The following CDK5 variants were observed in gnomAD, a reference collection of about 807,000 sequenced individuals.
The protein encoded by CDK5 is cyclin dependent kinase 5, also known as cyclin-dependent kinase 5.
Under a neutral mutation model 44.6 loss-of-function variants are expected in CDK5, and 18 were observed. The ratio of observed to expected loss-of-function variants is 0.40; its 90% confidence interval spans 0.28 to 0.60. The LOEUF (loss-of-function observed/expected upper bound fraction) is 0.60, where lower values mean the gene tolerates loss of function less well. Among genes scored for constraint, CDK5 ranks in the 20% least tolerant of loss-of-function variants. CDK5 has a pLI of 0.38. For synonymous variants in CDK5, 143 were observed against 152.8 expected, an observed-to-expected ratio of 0.94 and a Z score of 0.47; for missense variants, 198 against 368.1, an observed-to-expected ratio of 0.54 and a Z score of 3.78.
chr7:151,055,803 G>A lies in CDK5; in HGVS notation c.358C>T (p.Arg120Cys), dbSNP rs373178311. The change falls in exon 6 of 12, where the codon CGC (arginine) becomes TGC (cysteine). Residue 120 changes from arginine to cysteine, a missense_variant. Physicochemically the swap from Arg to Cys is radical, Grantham distance 180 (BLOSUM62 -3). Around this residue, in one of 4 missense-constraint regions of CDK5, gnomAD observed 26 missense variants for 28.2 expected, o/e 0.92. Coordinates refer to ENST00000485972, the MANE Select transcript of CDK5 (RefSeq NM_004935.4). ...TTCAGGTCCCTGTGTAGCACATTGC[G>A]GCTATGACAGAATCCCAGCCCTTTT... ...LLKGLGFCHS[R>C]NVLHRDLKPQ... 8.2e-5 allele frequency: 132 copies of A among 1,612,220 alleles called. 3 individuals are homozygous for A. The highest frequency in any genetic ancestry group is 7.4e-4 in the South Asian group (67 of 90,714).
rs899846034 is a variant in CDK5 at position 151,057,027 on chromosome 7, G to C, written c.126+45C>G. 3.7e-6 allele frequency: 6 copies of C among 1,612,668 alleles called. No individual in the cohort carries two copies. Among genetic ancestry groups the C allele is most frequent in the Non-Finnish European group, 5.1e-6 (6 of 1,178,808 alleles). The stretch of plus-strand genomic sequence containing the variant: ...AGCAGTCAGATCCCACCCAGCCCAG[G>C]CCCTCAAACCCCTCCCCAGGCCGTA... On this transcript the variant is annotated intron_variant, in intron 2 of 11. Coordinates refer to ENST00000485972, the MANE Select transcript of CDK5 (RefSeq NM_004935.4). This position sits in a 1 kb window ranked among gnomAD's most constrained non-coding sequence, Gnocchi z 5.2.
At position 151,056,735 on chromosome 7, in the gene CDK5, C is replaced by T; in HGVS notation, c.255+1G>A. The T allele has an allele frequency of 6.2e-7, 1 of 1,613,062 alleles. No individual in the cohort carries two copies. The highest frequency in any genetic ancestry group is 8.5e-7 in the Non-Finnish European group (1 of 1,179,500). ...ACTGTCCTCCAAACCCCGCCTTTCA[C>T]CTGGTCACAGAATTCAAAAACCAAA... On this transcript the variant is annotated splice_donor_variant, in intron 4 of 11. Transcript: ENST00000485972. LOFTEE classifies it high-confidence loss of function. The surrounding 1 kb of genome is among the most constrained non-coding windows in gnomAD (Gnocchi z 4.7).
At position 151,056,568 on chromosome 7, in the gene CDK5, C is replaced by G; in HGVS notation, c.312+12G>C. ...CCCAGCCTGAGGGGTCCCCCAACAC[C>G]ACTCTCCTCACCTTTACAATCTCAG... On this transcript the variant is annotated intron_variant, in intron 5 of 11. Coordinates refer to ENST00000485972, the MANE Select transcript of CDK5 (RefSeq NM_004935.4). The surrounding 1 kb of genome is among the most constrained non-coding windows in gnomAD (Gnocchi z 4.7). 1 of 1,609,498 alleles carries G rather than the reference C, an allele frequency of 6.2e-7. No individual in the cohort carries two copies. Among genetic ancestry groups the G allele is most frequent in the Non-Finnish European group, 8.5e-7 (1 of 1,177,584 alleles).
At chr7:151,055,913 C>T (rs984235218) in intron 5 of CDK5, 65 bp from the exon 6 acceptor site, 54 of 1,078,056 alleles carry the variant, frequency 5.0e-5, no homozygotes, top group Non-Finnish European at 7.0e-5. Flanking sequence ...AGCAACGGGT[C>T]GGCTCCTCTC....
chr7:151,056,751 A>G lies in CDK5; in HGVS notation c.240T>C (p.Phe80=). The G allele has an allele frequency of 1.2e-6, 2 of 1,613,156 alleles. No homozygotes were observed. Among genetic ancestry groups the G allele is most frequent in the Non-Finnish European group, 1.7e-6 (2 of 1,179,556 alleles). Residue 80 remains phenylalanine (F), a synonymous_variant, in exon 4 of 12, where the codon TTT becomes TTC. Coordinates refer to ENST00000485972, the MANE Select transcript of CDK5 (RefSeq NM_004935.4). The surrounding 1 kb of genome is among the most constrained non-coding windows in gnomAD (Gnocchi z 4.7). ...CGCCTTTCACCTGGTCACAGAATTC[A>G]AAAACCAAAGTCAGCTTCTTGTCGC... ...LHSDKKLTLV[F]EFCDQDLKKY...
Position 151,057,777 on chromosome 7 carries a change from G to A in CDK5, c.37+35C>T. On this transcript the variant is annotated intron_variant, in intron 1 of 11. Transcript: ENST00000485972. This position sits in a 1 kb window ranked among gnomAD's most constrained non-coding sequence, Gnocchi z 5.2. ...CAAGGAATGCCGAAGGATCTGCAGA[G>A]GAGCTCTTGCAGGAACATCTCGAGA... 1 of 1,598,566 alleles carries A rather than the reference G, an allele frequency of 6.3e-7. No individual in the cohort carries two copies. The highest frequency in any genetic ancestry group is 8.5e-7 in the Non-Finnish European group (1 of 1,170,334).
In CDK5 at chr7:151,056,466, C is replaced by T; in HGVS notation, c.312+114G>A. ...GACAGAAACAGGGTTTTCTCATTCT[C>T]TAACACCCTAGAGTGTCCCTGTTCA... is the stretch of plus-strand genomic sequence containing the variant. On this transcript the variant is annotated intron_variant, in intron 5 of 11. Transcript: ENST00000485972. This position sits in a 1 kb window ranked among gnomAD's most constrained non-coding sequence, Gnocchi z 4.7. The T allele has an allele frequency of 2.2e-6, 2 of 900,664 alleles. No homozygotes were observed. The highest frequency in any genetic ancestry group is 3.6e-6 in the Non-Finnish European group (2 of 559,334). 55.8% of individuals were successfully genotyped at this position (900,664 alleles called of 1,614,324 possible). A position where few individuals can be genotyped will look rare whatever the true frequency, so the allele number is the denominator to read the frequency against.
At position 151,057,859 on chromosome 7, in the gene CDK5, G is replaced by C. The variant is rs375106537; in HGVS notation, c.-11C>G. On this transcript the variant is annotated 5_prime_UTR_variant, in exon 1 of 12. Coordinates refer to ENST00000485972, the MANE Select transcript of CDK5 (RefSeq NM_004935.4). The surrounding 1 kb of genome is among the most constrained non-coding windows in gnomAD (Gnocchi z 5.2). ...CTCGTATTTCTGCATCGCGGCGGCC[G>C]CGGGGACCCCTGCGGGCCCTCGGTT... 762 of 1,608,976 alleles carry C rather than the reference G, an allele frequency of 4.7e-4. 1 individual carries two copies. The highest frequency in any genetic ancestry group is 6.3e-4 in the Non-Finnish European group (738 of 1,177,996).
rs780761259 is a variant in CDK5 at position 151,055,391 on chromosome 7, C to G, written c.484-18G>C. On this transcript the variant is annotated intron_variant, in intron 7 of 11. Coordinates refer to ENST00000485972, the MANE Select transcript of CDK5 (RefSeq NM_004935.4). ...GTGACCACCTGGAGGAGACCCCCCC[C>G]GAAAGGGACCTCCCACTTAGAGGAC... 11 of 1,596,546 alleles carry G rather than the reference C, an allele frequency of 6.9e-6. No homozygotes were observed. In the East Asian group the frequency reaches 2.0e-4, roughly 29 times the overall value.
At position 151,054,958 on chromosome 7, in the gene CDK5, C is replaced by T. The variant is rs1796865492; in HGVS notation, c.650+69G>A. ...CTACCCCACACCATCACTGCCCTCA[C>T]CCATTGTGCTCAAAACTCCATGGAC... On this transcript the variant is annotated intron_variant, in intron 9 of 11. Transcript: ENST00000485972. This position sits in a 1 kb window ranked among gnomAD's most constrained non-coding sequence, Gnocchi z 5.7. 2.0e-6 allele frequency: 3 copies of T among 1,481,308 alleles called. No homozygotes were observed. The highest frequency in any genetic ancestry group is 2.3e-5 in the East Asian group (1 of 44,052). 91.8% of individuals were successfully genotyped at this position (1,481,308 alleles called of 1,614,324 possible).
In CDK5 at chr7:151,057,488, G is replaced by T; in HGVS notation, c.37+324C>A. On this transcript the variant is annotated intron_variant, in intron 1 of 11. Coordinates refer to ENST00000485972, the MANE Select transcript of CDK5 (RefSeq NM_004935.4). The surrounding 1 kb of genome is among the most constrained non-coding windows in gnomAD (Gnocchi z 5.2). ...AGGGGCTGCAGAAATATTGAGGTTG[G>T]AGGTCTGCAGCAAGAAACGAGGCTG... is the stretch of plus-strand genomic sequence containing the variant. The T allele has an allele frequency of 1.7e-6, 1 of 590,986 alleles. No homozygotes were observed. The highest frequency in any genetic ancestry group is 3.0e-6 in the Non-Finnish European group (1 of 332,194). The allele number at this position is 590,986 out of a possible 1,614,324, so 36.6% of individuals were successfully genotyped here.
At chr7:151,055,720 C>A (rs1193234616) in intron 6 of CDK5, 33 bp downstream of exon 6, 2 of 1,568,724 alleles carry the variant, frequency 1.3e-6, no homozygotes, top group Non-Finnish European at 1.7e-6. Context: ...TGGCCCCAGC[C>A]TCTCCATTCC....
Position 151,056,980 on chromosome 7 carries a change from A to C in CDK5, c.127-5T>G. The C allele has an allele frequency of 6.2e-7, 1 of 1,613,858 alleles. No homozygotes were observed. Among genetic ancestry groups the C allele is most frequent in the East Asian group, 2.2e-5 (1 of 44,880 alleles). ...GAGGGCGGAACTCGGCACACCCTGC[A>C]TATGTGAGGGGGCCGGTGGGCAGCA... is the stretch of plus-strand genomic sequence containing the variant. On this transcript the variant is annotated splice_polypyrimidine_tract_variant and splice_region_variant and intron_variant, in intron 2 of 11. Transcript: ENST00000485972. The surrounding 1 kb of genome is among the most constrained non-coding windows in gnomAD (Gnocchi z 4.7).
rs554147188 is a variant in CDK5 at position 151,054,599 on chromosome 7, G to C, written c.651-134C>G. On this transcript the variant is annotated intron_variant, in intron 9 of 11. Transcript: ENST00000485972. This position sits in a 1 kb window ranked among gnomAD's most constrained non-coding sequence, Gnocchi z 5.7. ...ACTTCTCACCCTCCCTTTACCCTCC[G>C]GCTTGAGCTTGACAGAAGCAGCCCC... is the stretch of plus-strand genomic sequence containing the variant. 2.4e-4 allele frequency: 201 copies of C among 834,782 alleles called. 2 individuals are homozygous for C. The South Asian group carries it at 3.4e-3, about 14-fold the overall frequency. 51.7% of individuals were successfully genotyped at this position (834,782 alleles called of 1,614,324 possible). A position where few individuals can be genotyped will look rare whatever the true frequency, so the allele number is the denominator to read the frequency against.
chr7:151,055,847 G>T lies in CDK5; in HGVS notation c.314C>A (p.Ser105Ter). 6.2e-7 allele frequency: 1 copy of T among 1,601,898 alleles called. No homozygotes were observed. The highest frequency in any genetic ancestry group is 8.5e-7 in the Non-Finnish European group (1 of 1,172,752). ...CCCTTTTAGTAGCTGGAAGAGGAAT[G>T]ACTGGGAGGAGAGAGGGAGAAGGGA... ...NGDLDPEIVK[S>*]FLFQLLKGLG... Residue 105 changes from serine (S) to a stop codon, truncating the protein, a stop_gained and splice_region_variant, in exon 6 of 12, where the codon TCA becomes TAA. Transcript: ENST00000485972. LOFTEE classifies it high-confidence loss of function.
rs1359836410 is a variant in CDK5 at position 151,055,846 on chromosome 7, T to A, written c.315A>T (p.Ser105=). ...GCCCTTTTAGTAGCTGGAAGAGGAATGACTGGGAGGAGAGAGGGAGAAGGG... is the reference window on the plus strand; with the variant it reads ...GCCCTTTTAGTAGCTGGAAGAGGAAAGACTGGGAGGAGAGAGGGAGAAGGG... The part of the protein sequence containing the change: ...NGDLDPEIVK[S]FLFQLLKGLG... The change falls in exon 6 of 12, where the codon TCA becomes TCT. Residue 105 remains serine, a splice_region_variant and synonymous_variant. Transcript: ENST00000485972. 2 of 1,603,576 alleles carry A rather than the reference T, an allele frequency of 1.2e-6. No homozygotes were observed. The highest frequency in any genetic ancestry group is 1.3e-5 in the African/African-American group (1 of 74,742).
chr7:151,057,861 G>T lies in CDK5; in HGVS notation c.-13C>A, dbSNP rs983154254. 1.2e-6 allele frequency: 2 copies of T among 1,608,232 alleles called. No individual in the cohort carries two copies. Among genetic ancestry groups the T allele is most frequent in the South Asian group, 1.1e-5 (1 of 90,070 alleles). ...CGTATTTCTGCATCGCGGCGGCCGC[G>T]GGGACCCCTGCGGGCCCTCGGTTTT... On this transcript the variant is annotated 5_prime_UTR_variant, in exon 1 of 12. Transcript: ENST00000485972. This position sits in a 1 kb window ranked among gnomAD's most constrained non-coding sequence, Gnocchi z 5.2.
At position 151,057,467 on chromosome 7, in the gene CDK5, G is replaced by A; in HGVS notation, c.38-307C>T. 2 of 588,372 alleles carry A rather than the reference G, an allele frequency of 3.4e-6. No homozygotes were observed. Among genetic ancestry groups the A allele is most frequent in the South Asian group, 4.0e-5 (2 of 49,946 alleles). 36.4% of individuals were successfully genotyped at this position (588,372 alleles called of 1,614,324 possible). A position where few individuals can be genotyped will look rare whatever the true frequency, so the allele number is the denominator to read the frequency against. ...GAGGGGTCTGGGAGAGGACTGAGGG[G>A]CTGCAGAAATATTGAGGTTGGAGGT... On this transcript the variant is annotated intron_variant, in intron 1 of 11. Coordinates refer to ENST00000485972, the MANE Select transcript of CDK5 (RefSeq NM_004935.4). This position sits in a 1 kb window ranked among gnomAD's most constrained non-coding sequence, Gnocchi z 5.2.
At position 151,055,531 on chromosome 7, in the gene CDK5, C is replaced by T; in HGVS notation, c.483+1G>A. The T allele has an allele frequency of 6.2e-7, 1 of 1,613,652 alleles. No individual in the cohort carries two copies. Among genetic ancestry groups the T allele is most frequent in the Non-Finnish European group, 8.5e-7 (1 of 1,179,712 alleles). ...ATCCCATATCCCATCTTCTAGCTCACCTCAGCTGAGTAACAGCGGACGGGA... is the reference window on the plus strand; with the variant it reads ...ATCCCATATCCCATCTTCTAGCTCATCTCAGCTGAGTAACAGCGGACGGGA... On this transcript the variant is annotated splice_donor_variant, in intron 7 of 11. Coordinates refer to ENST00000485972, the MANE Select transcript of CDK5 (RefSeq NM_004935.4). LOFTEE classifies it high-confidence loss of function.
Sources: allele counts gnomAD v4.1 joint callset, GRCh38; gene constraint gnomAD v4.1.1; regional missense constraint gnomAD v4.1.1; non-coding constraint Gnocchi (gnomAD v3.1); transcripts MANE v1.5; gene names NCBI Gene and HGNC (gene_info 2026-07-23, HGNC 2026-07-21).